Variants in ASAP1 observed in about 807,000 individuals in gnomAD.
The protein encoded by ASAP1 is arf-GAP with SH3 domain, ANK repeat and PH domain-containing protein 1.
ASAP1 carries 43 observed loss-of-function variants against 145.2 expected under a neutral mutation model. The observed-to-expected ratio is 0.30, with a 90% CI of 0.23 to 0.38. ASAP1 has a LOEUF of 0.38. ASAP1 is among the 10% of genes least tolerant of loss of function. The pLI is 1.00. For synonymous variants in ASAP1, 546 were observed against 515.5 expected, an observed-to-expected ratio of 1.06 and a Z score of -0.80; for missense variants, 1,018 against 1,355.3, an observed-to-expected ratio of 0.75 and a Z score of 3.91.
chr8:130,292,496 C>T (rs1822007901), intron 3 of ASAP1, among the ~76,000 whole-genome samples: 1 of 152,112 alleles, frequency 6.6e-6, no homozygotes, highest in Non-Finnish European at 1.5e-5. Context: ...ATTAGTAAAC[C>T]AAGGGTAGGA....
intron 5 of ASAP1, among the ~76,000 whole-genome samples, chr8:130,194,512 G>C (rs1308074198): frequency 6.6e-6 from 1 of 152,132 alleles, no homozygotes; most frequent in Non-Finnish European, 1.5e-5. Flanking sequence ...CAAATTTCCT[G>C]TGTTTTCACT....
At chr8:130,226,225 C>T (rs1162316833) in intron 4 of ASAP1, among the ~76,000 whole-genome samples, 1 of 152,026 alleles carries the variant, frequency 6.6e-6, no homozygotes, top group Non-Finnish European at 1.5e-5. Context: ...GCCACCAATC[C>T]AAAAACTTAG....
intron 11 of ASAP1, among the ~76,000 whole-genome samples, chr8:130,165,741 C>T (rs1376726684): frequency 6.6e-6 from 1 of 152,124 alleles, no homozygotes; most frequent in Non-Finnish European, 1.5e-5. Flanking sequence ...CTCACTTGAC[C>T]AATCCCCAGT....
chr8:130,195,970 C>G (rs1307459299), intron 5 of ASAP1, among the ~76,000 whole-genome samples: 3 of 152,208 alleles, frequency 2.0e-5, no homozygotes, highest in Non-Finnish European at 2.9e-5. Flanking sequence ...TCTTTCTTCA[C>G]TAGAAGGTTT....
chr8:130,365,396 C>T (rs1380627807), intron 2 of ASAP1, among the ~76,000 whole-genome samples: 2 of 152,190 alleles, frequency 1.3e-5, no homozygotes, highest in Admixed American at 6.5e-5. Context: ...TGAGCTACAT[C>T]ATTTCTAATA....
intron 28 of ASAP1, among the ~76,000 whole-genome samples, chr8:130,058,498 G>A (rs193073393): frequency 6.6e-6 from 1 of 152,338 alleles, no homozygotes; most frequent in East Asian, 1.9e-4. Flanking sequence ...TCTGCATAAT[G>A]AATGTGCAGC....
At chr8:130,249,722 G>A (rs1437783180) in intron 3 of ASAP1, among the ~76,000 whole-genome samples, 1 of 152,126 alleles carries the variant, frequency 6.6e-6, no homozygotes, top group African/African-American at 2.4e-5. Context: ...ACATATGTAT[G>A]TGTTTATTTA....
intron 5 of ASAP1, among the ~76,000 whole-genome samples, chr8:130,196,894 A>T (rs184822398): frequency 6.6e-6 from 1 of 152,342 alleles, no homozygotes; most frequent in Non-Finnish European, 1.5e-5. Context: ...AATACCTTGA[A>T]GCTATTTAAA....
intron 28 of ASAP1, among the ~76,000 whole-genome samples, chr8:130,058,695 T>C (rs1270282845): frequency 6.6e-6 from 1 of 152,204 alleles, no homozygotes; most frequent in Non-Finnish European, 1.5e-5. Context: ...AAAGTGAAAA[T>C]AGAGGTATCA....
intron 2 of ASAP1, among the ~76,000 whole-genome samples, chr8:130,369,691 G>A (rs1289081375): frequency 1.3e-5 from 2 of 152,170 alleles, no homozygotes; most frequent in African/African-American, 4.8e-5. Flanking sequence ...CACCCACTAG[G>A]ATGGCTGTAA....
chr8:130,217,545 C>T (rs921626745), intron 4 of ASAP1, among the ~76,000 whole-genome samples: 6 of 151,646 alleles, frequency 4.0e-5, no homozygotes, highest in Non-Finnish European at 7.4e-5. Flanking sequence ...TGTACACACA[C>T]ACACACACAC....
intron 2 of ASAP1, among the ~76,000 whole-genome samples, chr8:130,401,245 A>G (rs1422639791): frequency 6.6e-6 from 1 of 151,734 alleles, no homozygotes; most frequent in East Asian, 1.9e-4. Context: ...ATTTTATTGT[A>G]CTTTTAATTT....
chr8:130,115,694 G>A lies in ASAP1; in HGVS notation c.2106C>T (p.His702=), dbSNP rs2305512. 433 of 1,614,146 alleles carry A rather than the reference G, an allele frequency of 2.7e-4. 5 individuals carry two copies. The East Asian group carries it at 8.0e-3, about 30-fold the overall frequency. Reference sequence around the variant, plus strand: ...GTCGAAGATTCCACTCATATTCTACGTGGACGTGTGGATTGAACTTTCCAG... The same window carrying A: ...GTCGAAGATTCCACTCATATTCTACATGGACGTGTGGATTGAACTTTCCAG... The part of the protein sequence containing the change: ...AKSGKFNPHV[H]VEYEWNLRQE... The change falls in exon 23 of 30, where the codon CAC becomes CAT. Residue 702 remains histidine, a synonymous_variant. Transcript: ENST00000518721.
intron 23 of ASAP1, among the ~76,000 whole-genome samples, chr8:130,112,625 C>T (rs529138370): frequency 5.9e-5 from 9 of 152,370 alleles, no homozygotes; most frequent in African/African-American, 2.2e-4. Flanking sequence ...CAAACACCTT[C>T]AGAATGCAGG....
At chr8:130,127,090 T>C (rs555262132) in intron 16 of ASAP1, among the ~76,000 whole-genome samples, 3 of 152,292 alleles carry the variant, frequency 2.0e-5, no homozygotes, top group Non-Finnish European at 4.4e-5. Flanking sequence ...ACTGGTAATA[T>C]AGTGCTATTT....
At chr8:130,240,357 T>C (rs1432213602) in intron 3 of ASAP1, among the ~76,000 whole-genome samples, 1 of 152,116 alleles carries the variant, frequency 6.6e-6, no homozygotes, top group Non-Finnish European at 1.5e-5. Context: ...CTAAATAAAA[T>C]GCACTTTTAA....
intron 24 of ASAP1, among the ~76,000 whole-genome samples, chr8:130,094,527 T>A (rs534360700): frequency 4.0e-5 from 6 of 151,100 alleles, no homozygotes; most frequent in South Asian, 4.2e-4. Flanking sequence ...AAAAAAAAAA[T>A]GTTTATGGAT....
At chr8:130,209,261 G>GT (rs1816426384) in intron 5 of ASAP1, among the ~76,000 whole-genome samples, 2 of 152,154 alleles carry the variant, frequency 1.3e-5, no homozygotes, top group Admixed American at 6.5e-5. Flanking sequence ...ATTTACGTCT[G>GT]TAAGTTAGGC....
chr8:130,152,668 ACTG>A, intron 13 of ASAP1, 65 bp downstream of exon 13: 1 of 1,100,744 alleles, frequency 9.1e-7, no homozygotes, highest in Non-Finnish European at 1.3e-6. Flanking sequence ...GCCAATTTTT[ACTG>A]CTGAGTACAT....
Sources: gnomAD v4.1 joint callset for allele counts (sites outside exome capture counted in the v4.1 genomes callset) on GRCh38, gnomAD v4.1.1 for gene constraint, MANE v1.5 for transcripts, NCBI Gene and HGNC (gene_info 2026-07-23, HGNC 2026-07-21) for gene names.